BEND6: variants seen among roughly 807,000 people sequenced by gnomAD.
The protein encoded by BEND6 is BEN domain-containing protein 6.
Under a neutral mutation model 31.8 loss-of-function variants are expected in BEND6, and 24 were observed. The observed-to-expected ratio is 0.75, with a 90% confidence interval of 0.55 to 1.06. The LOEUF (loss-of-function observed/expected upper bound fraction) is 1.06, where lower values mean the gene tolerates loss of function less well. Ranked by LOEUF, BEND6 falls within the 50% of genes least tolerant of loss-of-function variation. BEND6 has a pLI of 0.00. For synonymous variants in BEND6, 109 were observed against 114.6 expected (o/e 0.95, Z 0.31); for missense variants, 294 against 327.4 (o/e 0.90, Z 0.79).
intron 3 of BEND6, among the ~76,000 whole-genome samples, chr6:56,997,165 G>C (rs1031914811): frequency 4.6e-5 from 7 of 152,152 alleles, no homozygotes; most frequent in African/African-American, 1.7e-4. Flanking sequence ...CATCAGGCAT[G>C]ATCTTGTCTT....
At chr6:56,966,194 C>T (rs1023231269) in intron 1 of BEND6, among the ~76,000 whole-genome samples, 1 of 152,120 alleles carries the variant, frequency 6.6e-6, no homozygotes, top group Non-Finnish European at 1.5e-5. Context: ...CTCCATCTTC[C>T]GGGTTCAGGC....
chr6:57,014,242 T>C (rs1252915398), intron 3 of BEND6, among the ~76,000 whole-genome samples: 1 of 152,238 alleles, frequency 6.6e-6, no homozygotes, highest in Non-Finnish European at 1.5e-5. Context: ...ATTTTCTTCT[T>C]TAGTAGATTT....
intron 1 of BEND6, among the ~76,000 whole-genome samples, chr6:56,959,333 G>C (rs1825209505): frequency 6.6e-6 from 1 of 152,194 alleles, no homozygotes; most frequent in Non-Finnish European, 1.5e-5. Context: ...GAATGTCTTG[G>C]AATGTAGCCT....
At chr6:56,968,306 T>C (rs565106097) in intron 1 of BEND6, among the ~76,000 whole-genome samples, 1 of 139,232 alleles carries the variant, frequency 7.2e-6, no homozygotes, top group South Asian at 2.3e-4. Flanking sequence ...TTTCTTTCTT[T>C]CTTTTCTTTT....
chr6:56,969,090 G>T (rs1055228855), intron 1 of BEND6, among the ~76,000 whole-genome samples: 5 of 151,570 alleles, frequency 3.3e-5, no homozygotes, highest in Admixed American at 6.6e-5. Flanking sequence ...AAAAAGAAAA[G>T]AAAATGAAGG....
intron 1 of BEND6, among the ~76,000 whole-genome samples, chr6:56,977,173 TATTAGCCTTTCA>T (rs1825906097): frequency 6.6e-6 from 1 of 152,228 alleles, no homozygotes; most frequent in Admixed American, 6.5e-5. Context: ...AGTTTACAAC[TATTAGCCTTTCA>T]GCAAAGATAG....
chr6:56,963,792 A>G (rs1825367142), intron 1 of BEND6, among the ~76,000 whole-genome samples: 1 of 148,158 alleles, frequency 6.7e-6, no homozygotes, highest in African/African-American at 2.4e-5. Flanking sequence ...AAATATTACT[A>G]TTAATAAATT....
intron 3 of BEND6, among the ~76,000 whole-genome samples, chr6:57,002,622 C>T (rs577848180): frequency 6.6e-6 from 1 of 151,808 alleles, no homozygotes; most frequent in Non-Finnish European, 1.5e-5. Context: ...ACTGAGTAAA[C>T]AATGAGATTA....
At chr6:57,005,689 A>C (rs901487521) in intron 3 of BEND6, among the ~76,000 whole-genome samples, 1 of 152,032 alleles carries the variant, frequency 6.6e-6, no homozygotes, top group Non-Finnish European at 1.5e-5. Flanking sequence ...AAAAAAAAAA[A>C]AAACAAAGAC....
chr6:57,004,555 G>A (rs1047576657), intron 3 of BEND6: 6 of 849,134 alleles, frequency 7.1e-6, no homozygotes, highest in Non-Finnish European at 1.2e-5. Flanking sequence ...GCCCCTCACA[G>A]GTGCGCCAGA....
intron 6 of BEND6, among the ~76,000 whole-genome samples, chr6:57,025,661 C>T (rs150505741): frequency 2.6e-5 from 4 of 152,324 alleles, no homozygotes; most frequent in Non-Finnish European, 5.9e-5. Context: ...CCACCTTGAT[C>T]TCACTTTTTG....
chr6:57,012,675 T>G (rs1376709), intron 3 of BEND6, among the ~76,000 whole-genome samples: 1 of 152,210 alleles, frequency 6.6e-6, no homozygotes, highest in African/African-American at 2.4e-5. Flanking sequence ...AAAAAGAGCC[T>G]TGATACAATG....
In BEND6 at chr6:57,026,625, T is replaced by C. The variant is rs969146182; in HGVS notation, c.*553T>C. The C allele has an allele frequency of 6.6e-6, 1 of 152,226 alleles. No homozygotes were observed. The highest frequency in any genetic ancestry group is 2.4e-5 in the African/African-American group (1 of 41,464). The allele number at this position is 152,226 out of a possible 1,614,324, so 9.4% of individuals were successfully genotyped here. On this transcript the variant is annotated 3_prime_UTR_variant, in exon 7 of 7. Coordinates refer to ENST00000370746, the MANE Select transcript of BEND6 (RefSeq NM_152731.3). ...ATAATCATGTCTAACCAAGTAATAATGTTTTAGCAATAAAATTACAGGATT... is the reference window on the plus strand; with the variant it reads ...ATAATCATGTCTAACCAAGTAATAACGTTTTAGCAATAAAATTACAGGATT...
At chr6:57,014,620 A>G in intron 3 of BEND6, 1 of 923,664 alleles carries the variant, frequency 1.1e-6, no homozygotes, top group South Asian at 2.2e-5. Flanking sequence ...GAATTGTGGC[A>G]GTGCATTTTT....
In BEND6 at chr6:57,017,257, G is replaced by A. The variant is rs1827595701; in HGVS notation, c.570G>A (p.Gln190=). Residue 190 remains glutamine, a synonymous_variant, in exon 5 of 7, where the codon CAG becomes CAA. Transcript: ENST00000370746. ...CCCGTTGTAACAAGAGCAAGCCTCA[G>A]AAGTTTATTAATGATTTAATGCAAG... is the stretch of plus-strand genomic sequence containing the variant. ...QIARCNKSKP[Q]KFINDLMQVL... The A allele has an allele frequency of 6.4e-7, 1 of 1,561,698 alleles. No homozygotes were observed. The highest frequency in any genetic ancestry group is 1.2e-5 in the South Asian group (1 of 84,154).
chr6:56,957,271 A>G (rs1326547798), intron 1 of BEND6, among the ~76,000 whole-genome samples: 1 of 152,218 alleles, frequency 6.6e-6, no homozygotes, highest in Non-Finnish European at 1.5e-5. Context: ...GCCATGCAAT[A>G]GGATTATAGA....
At chr6:57,019,391 T>A (rs1262035673) in intron 6 of BEND6, among the ~76,000 whole-genome samples, 2 of 152,200 alleles carry the variant, frequency 1.3e-5, no homozygotes, top group African/African-American at 4.8e-5. Context: ...GGCATGTGGG[T>A]AACACATGAG....
intron 3 of BEND6, among the ~76,000 whole-genome samples, chr6:56,997,904 A>G (rs542419863): frequency 2.6e-5 from 4 of 152,288 alleles, no homozygotes; most frequent in African/African-American, 9.6e-5. Flanking sequence ...GAAAGGGACT[A>G]TTCTAAATAC....
rs1039011725 is a variant in BEND6 at position 56,978,002 on chromosome 6, T to C, written c.-100-3709T>C. Among the ~76,000 whole-genome samples, 3 of 151,592 alleles carry C rather than the reference T, an allele frequency of 2.0e-5. No individual in the cohort carries two copies. In the East Asian group the frequency reaches 5.8e-4, roughly 29 times the overall value. ...CAATTCAACCAAGTATGGTGGCTCA[T>C]ACCTGTAATCCTAATGCTTTGGGAG... On this transcript the variant is annotated intron_variant, in intron 1 of 6. Transcript: ENST00000370746.
Sources: allele counts gnomAD v4.1 joint callset (sites outside exome capture counted in the v4.1 genomes callset), GRCh38; gene constraint gnomAD v4.1.1; transcripts MANE v1.5; gene names NCBI Gene and HGNC (gene_info 2026-07-23, HGNC 2026-07-21).